The following DDR1 variants were observed in gnomAD, a reference collection of about 807,000 sequenced individuals.
DDR1 encodes epithelial discoidin domain-containing receptor 1.
In DDR1, 64 loss-of-function variants were observed where a neutral mutation model predicts 97.4. The observed-to-expected ratio is 0.66, with a 90% CI of 0.54 to 0.81. The LOEUF is 0.81. DDR1 is among the 30% of genes least tolerant of loss of function. The pLI is 0.00. For missense variants in DDR1, 990 were observed against 1,259.6 expected, an observed-to-expected ratio of 0.79 and a Z score of 3.24; for synonymous variants, 458 against 503.7, an observed-to-expected ratio of 0.91 and a Z score of 1.21.
chr6:30,884,200 C>G (rs1784876059), upstream of DDR1: 2 of 147,154 alleles, frequency 1.4e-5, no homozygotes, highest in African/African-American at 2.5e-5. The surrounding 1 kb of genome is among the most constrained non-coding windows in gnomAD (Gnocchi z 6.1). Context: ...GGGCTGGGCG[C>G]GGAGCCGGCC....
chr6:30,892,239 T>A (rs1386100124), intron 7 of DDR1, 51 bp downstream of exon 7: 1 of 1,606,484 alleles, frequency 6.2e-7, no homozygotes, highest in Non-Finnish European at 8.5e-7. Flanking sequence ...CAGGGTGCCG[T>A]TGGGGTGCCC....
Position 30,893,137 on chromosome 6 carries a change from C to A in DDR1, c.1169C>A (p.Pro390Gln). 6.2e-7 allele frequency: 1 copy of A among 1,610,178 alleles called. No individual in the cohort carries two copies. The change falls in exon 9 of 18, where the codon CCA (proline) becomes CAA (glutamine). Residue 390 changes from proline to glutamine, a missense_variant. Transcript: ENST00000376568. ...CCAGCCCCCTGGTGGCCGCCTGGCC[C>A]ACCTCCCACCAACTTCAGCAGCTTG... The part of the protein sequence containing the change: ...FPPAPWWPPG[P>Q]PPTNFSSLEL...
chr6:30,882,387 G>T (rs1016302994), upstream of DDR1, among the ~76,000 whole-genome samples: 1 of 152,232 alleles, frequency 6.6e-6, no homozygotes, highest in Non-Finnish European at 1.5e-5. This position sits in a 1 kb window ranked among gnomAD's most constrained non-coding sequence, Gnocchi z 4.8. Context: ...GGCCTCTGGG[G>T]TTCGGAGTGA....
At position 30,898,165 on chromosome 6, in the gene DDR1, G is replaced by A. The variant is rs774843112; in HGVS notation, c.2309G>A (p.Arg770Gln). ...LNFVHRDLAT[R>Q]NCLVGENFTI... ...TTTGTACATCGGGACCTGGCCACGC[G>A]GAACTGCCTAGTTGGGGAAAATTTC... The change falls in exon 16 of 18, where the codon CGG (arginine) becomes CAG (glutamine). Residue 770 changes from arginine (R) to glutamine (Q), a missense_variant. Coordinates refer to ENST00000376568, the MANE Select transcript of DDR1 (RefSeq NM_001297654.2). The A allele has an allele frequency of 3.7e-6, 6 of 1,614,130 alleles. No homozygotes were observed. The highest frequency in any genetic ancestry group is 1.1e-5 in the South Asian group (1 of 91,092).
At position 30,899,522 on chromosome 6, in the gene DDR1, G is replaced by GC. The variant is rs1356520061; in HGVS notation, c.*230dup. 3.4e-6 allele frequency: 2 copies of GC among 583,016 alleles called. No homozygotes were observed. Among genetic ancestry groups the GC allele is most frequent in the African/African-American group, 3.7e-5 (2 of 53,664 alleles). The allele number at this position is 583,016 out of a possible 1,614,324, so 36.1% of individuals were successfully genotyped here. The stretch of plus-strand genomic sequence containing the variant: ...CCCTTCCTGTTCTTCCTTCCTAGAA[G>GC]CCCCTGTCGCCCACCCAGCTGGTCC... On this transcript the variant is annotated 3_prime_UTR_variant, in exon 18 of 18. Transcript: ENST00000376568.
rs769133980 is a variant in DDR1 at position 30,898,147 on chromosome 6, A to G, written c.2291A>G (p.His764Arg). Reference protein sequence around the residue: ...MRYLATLNFVHRDLATRNCLV... With the variant: ...MRYLATLNFVRRDLATRNCLV... Reference sequence around the variant, plus strand: ...TATCTGGCCACACTCAACTTTGTACATCGGGACCTGGCCACGCGGAACTGC... The same window carrying G: ...TATCTGGCCACACTCAACTTTGTACGTCGGGACCTGGCCACGCGGAACTGC... Residue 764 changes from histidine to arginine, a missense_variant, in exon 16 of 18, where the codon CAT (histidine) becomes CGT (arginine). Physicochemically the swap from His to Arg is conservative, Grantham distance 29. Transcript: ENST00000376568. 2.5e-6 allele frequency: 4 copies of G among 1,614,222 alleles called. No homozygotes were observed. The highest frequency in any genetic ancestry group is 3.4e-6 in the Non-Finnish European group (4 of 1,180,030).
intron 8 of DDR1, chr6:30,892,746 C>G (rs963402672): frequency 4.6e-5 from 30 of 656,218 alleles, no homozygotes; most frequent in Non-Finnish European, 7.2e-5. Context: ...TTGTAAGCCC[C>G]TTGCCCGTGA....
At chr6:30,885,627 G>A (rs565497638) in intron 1 of DDR1, 336 of 1,357,868 alleles carry the variant, frequency 2.5e-4, no homozygotes, top group South Asian at 8.3e-4. Flanking sequence ...GTTCACAGGT[G>A]TCTGAAGGTG....
chr6:30,887,571 A>G (rs1362770467), intron 1 of DDR1, among the ~76,000 whole-genome samples: 5 of 152,120 alleles, frequency 3.3e-5, no homozygotes, highest in African/African-American at 4.8e-5. Context: ...TTCATATTCA[A>G]CAGATATACA....
upstream of DDR1, chr6:30,884,515 C>T (rs946419577): frequency 6.6e-6 from 1 of 151,760 alleles, no homozygotes; most frequent in African/African-American, 2.4e-5. This position sits in a 1 kb window ranked among gnomAD's most constrained non-coding sequence, Gnocchi z 6.1. Context: ...CCGCCCCAGC[C>T]CTGGCTCCTC....
rs757978821 is a variant in DDR1 at position 30,889,053 on chromosome 6, G to A, written c.188+43G>A. The A allele has an allele frequency of 6.2e-7, 1 of 1,601,168 alleles. No individual in the cohort carries two copies. The highest frequency in any genetic ancestry group is 1.3e-5 in the African/African-American group (1 of 74,690). On this transcript the variant is annotated intron_variant, in intron 3 of 17. Transcript: ENST00000376568. The surrounding 1 kb of genome is among the most constrained non-coding windows in gnomAD (Gnocchi z 4.9). ...CACACTTGTAGCTGCCCCGAGAGGA[G>A]CTCCTGGGACCTCTACTTCCCCTCC...
chr6:30,893,009 C>T, intron 8 of DDR1, 59 bp from the exon 9 acceptor site: 1 of 1,441,558 alleles, frequency 6.9e-7, no homozygotes, highest in Non-Finnish European at 9.6e-7. Context: ...ACTGCCTCTG[C>T]CTCCCTTGGG....
Position 30,893,056 on chromosome 6 carries a change from C to T in DDR1, c.1100-12C>T. 1 of 1,604,976 alleles carries T rather than the reference C, an allele frequency of 6.2e-7. No homozygotes were observed. ...TTTACCTCCCTCCTTTCTTTTTGTT[C>T]CTTCTCCCCAGATGTGGTGAACAAT... On this transcript the variant is annotated splice_polypyrimidine_tract_variant and intron_variant, in intron 8 of 17. Transcript: ENST00000376568.
chr6:30,891,384 A>T lies in DDR1; in HGVS notation c.570A>T (p.Gly190=), dbSNP rs537377457. Residue 190 remains glycine (G), a synonymous_variant, in exon 6 of 18, where the codon GGA becomes GGT. Transcript: ENST00000376568. The surrounding 1 kb of genome is among the most constrained non-coding windows in gnomAD (Gnocchi z 5.3). ...CATCCTCTCACCCTGCCCCAGATGGACTCCTGTCTTACACCGCCCCTGTGG... is the reference window on the plus strand; with the variant it reads ...CATCCTCTCACCCTGCCCCAGATGGTCTCCTGTCTTACACCGCCCCTGTGG... The part of the protein sequence containing the change: ...VELYGCLWRD[G]LLSYTAPVGQ... 2 of 1,611,916 alleles carry T rather than the reference A, an allele frequency of 1.2e-6. No individual in the cohort carries two copies. The highest frequency in any genetic ancestry group is 3.3e-5 in the Admixed American group (2 of 59,964).
intron 10 of DDR1, 131 bp downstream of exon 10, chr6:30,893,554 A>AC: frequency 6.9e-7 from 1 of 1,443,810 alleles, no homozygotes; most frequent in Non-Finnish European, 9.1e-7. Context: ...GACCACTTAC[A>AC]CCATGTCAAA....
upstream of DDR1, chr6:30,881,010 C>T (rs143541901): frequency 3.2e-3 from 481 of 152,216 alleles, 1 homozygote; most frequent in African/African-American, 5.7e-3. Flanking sequence ...AGCTGCTCCT[C>T]CTGGGCCCGG....
In DDR1 at chr6:30,896,821, C is replaced by T. The variant is rs1444367361; in HGVS notation, c.1825C>T (p.Arg609Ter). ...GPPRVDFPRS[R>*]LRFKEKLGEG... is the part of the protein sequence containing the mutation. ...CCCCAGAGTGGATTTCCCTCGATCTCGACTCCGCTTCAAGGAGAAGCTTGG... is the reference window on the plus strand; with the variant it reads ...CCCCAGAGTGGATTTCCCTCGATCTTGACTCCGCTTCAAGGAGAAGCTTGG... Residue 609 changes from arginine to a stop codon, truncating the protein, a stop_gained, in exon 13 of 18, where the codon CGA (arginine) becomes TGA (stop). Coordinates refer to ENST00000376568, the MANE Select transcript of DDR1 (RefSeq NM_001297654.2). LOFTEE classifies it high-confidence loss of function. 1.3e-6 allele frequency: 2 copies of T among 1,590,858 alleles called. No homozygotes were observed. Among genetic ancestry groups the T allele is most frequent in the Non-Finnish European group, 1.7e-6 (2 of 1,166,784 alleles).
chr6:30,882,212 T>C (rs1403464260), upstream of DDR1, among the ~76,000 whole-genome samples: 1 of 152,234 alleles, frequency 6.6e-6, no homozygotes, highest in Non-Finnish European at 1.5e-5. The surrounding 1 kb of genome is among the most constrained non-coding windows in gnomAD (Gnocchi z 4.8). Flanking sequence ...TCTGCAGGCC[T>C]GAAGCTGCCT....
intron 1 of DDR1, chr6:30,885,939 T>C (rs1008384469): frequency 1.5e-6 from 1 of 660,768 alleles, no homozygotes; most frequent in African/African-American, 1.9e-5. Flanking sequence ...GGTTTGTCTT[T>C]GGTTGTAATG....
Sources: gnomAD v4.1 joint callset for allele counts (sites outside exome capture counted in the v4.1 genomes callset) on GRCh38, gnomAD v4.1.1 for gene constraint, Gnocchi (gnomAD v3.1) non-coding constraint, MANE v1.5 for transcripts, NCBI Gene and HGNC (gene_info 2026-07-23, HGNC 2026-07-21) for gene names.